RALGAPA1: variants seen among roughly 807,000 people sequenced by gnomAD.
The protein encoded by RALGAPA1 is Ral GTPase activating protein catalytic subunit alpha 1.
RALGAPA1 carries 52 observed loss-of-function variants against 269.6 expected under a neutral mutation model. The ratio of observed to expected loss-of-function variants is 0.19; its 90% CI spans 0.15 to 0.24. The LOEUF (loss-of-function observed/expected upper bound fraction) is 0.24. RALGAPA1 is among the 10% of genes least tolerant of loss of function. RALGAPA1 has a pLI of 1.00. For missense variants in RALGAPA1, 1,917 were observed against 3,013.9 expected (o/e 0.64, Z 8.52); for synonymous variants, 817 against 1,008.3 (o/e 0.81, Z 3.60).
chr14:35,634,340 G>A (rs924678984), intron 33 of RALGAPA1, among the ~76,000 whole-genome samples: 1 of 152,188 alleles, frequency 6.6e-6, no homozygotes, highest in African/African-American at 2.4e-5. Flanking sequence ...CTGGTCCCAT[G>A]CATTTCAGAT....
rs773083958 is a variant in RALGAPA1 at position 35,673,024 on chromosome 14, T to TA, written c.4918-3dup. The TA allele has an allele frequency of 2.7e-6, 4 of 1,460,498 alleles. No homozygotes were observed. The highest frequency in any genetic ancestry group is 3.6e-6 in the Non-Finnish European group (4 of 1,100,822). 90.5% of individuals were successfully genotyped at this position (1,460,498 alleles called of 1,614,324 possible). ...ATATTTATCAGTCAACATGGTTGCC[T>TA]AAAATTAAAAGATCAGTTTTAATGT... On this transcript the variant is annotated splice_polypyrimidine_tract_variant and splice_region_variant and intron_variant, in intron 24 of 41. Coordinates refer to ENST00000680220, the MANE Select transcript of RALGAPA1 (RefSeq NM_001346249.2).
At chr14:35,711,506 G>T (rs1244570802) in intron 16 of RALGAPA1, among the ~76,000 whole-genome samples, 5 of 152,174 alleles carry the variant, frequency 3.3e-5, no homozygotes, top group Admixed American at 1.3e-4. Flanking sequence ...GGAGTGCGGT[G>T]GCATAATCTC....
At chr14:35,801,080 C>T (rs1254295185) in intron 1 of RALGAPA1, among the ~76,000 whole-genome samples, 1 of 142,092 alleles carries the variant, frequency 7.0e-6, no homozygotes, top group Non-Finnish European at 1.5e-5. Context: ...AAAAAAAAAC[C>T]ACACACACAC....
intron 1 of RALGAPA1, 54 bp downstream of exon 1, chr14:35,808,676 G>T (rs2077548406): frequency 5.8e-6 from 9 of 1,558,904 alleles, no homozygotes; most frequent in Non-Finnish European, 7.8e-6. Context: ...GGGCTCCCAG[G>T]AGAGGGAAGG....
At chr14:35,778,645 T>G (rs1407499461) in intron 1 of RALGAPA1, among the ~76,000 whole-genome samples, 1 of 152,212 alleles carries the variant, frequency 6.6e-6, no homozygotes, top group Non-Finnish European at 1.5e-5. Context: ...TATTTTTACT[T>G]CATTATATTC....
chr14:35,745,435 A>ACACACC (rs1422780733), intron 10 of RALGAPA1, among the ~76,000 whole-genome samples: 1 of 151,814 alleles, frequency 6.6e-6, no homozygotes, highest in Non-Finnish European at 1.5e-5. Context: ...ACACACACAC[A>ACACACC]CACACACACA....
chr14:35,554,576 G>A (rs1489026335), intron 39 of RALGAPA1, among the ~76,000 whole-genome samples: 2 of 151,558 alleles, frequency 1.3e-5, no homozygotes, highest in Non-Finnish European at 2.9e-5. Context: ...TCGATCTCCT[G>A]ACCTCGTGAT....
chr14:35,632,481 C>T (rs1041431921), intron 33 of RALGAPA1, among the ~76,000 whole-genome samples: 1 of 152,130 alleles, frequency 6.6e-6, no homozygotes, highest in African/African-American at 2.4e-5. Context: ...ACATAAAAAG[C>T]TGCTGCAATT....
In RALGAPA1 at chr14:35,664,804, T is replaced by C. The variant is rs1595044432; in HGVS notation, c.5203-37A>G. ...ATTTTTAAAAAGTTTAAAAATATATTGGTGTTATGAAATTATCAGAAAAGT... is the reference window on the plus strand; with the variant it reads ...ATTTTTAAAAAGTTTAAAAATATATCGGTGTTATGAAATTATCAGAAAAGT... On this transcript the variant is annotated intron_variant, in intron 26 of 41. Coordinates refer to ENST00000680220, the MANE Select transcript of RALGAPA1 (RefSeq NM_001346249.2). 1.9e-6 allele frequency: 3 copies of C among 1,590,058 alleles called. No homozygotes were observed. In the East Asian group the frequency reaches 6.7e-5, roughly 36 times the overall value.
chr14:35,756,660 C>T (rs904642333), intron 7 of RALGAPA1, 133 bp downstream of exon 7: 1 of 545,480 alleles, frequency 1.8e-6, no homozygotes, highest in African/African-American at 1.9e-5. Flanking sequence ...GCCATTGACC[C>T]TTCCCCTCCA....
At chr14:35,733,935 AT>A (rs1193487225) in intron 12 of RALGAPA1, among the ~76,000 whole-genome samples, 1 of 151,766 alleles carries the variant, frequency 6.6e-6, no homozygotes, top group Non-Finnish European at 1.5e-5. Context: ...CCCTTTTATT[AT>A]AGCTGCAAAT....
intron 1 of RALGAPA1, among the ~76,000 whole-genome samples, chr14:35,801,598 G>C (rs905212575): frequency 6.6e-6 from 1 of 152,088 alleles, no homozygotes. Flanking sequence ...AGGATAATAA[G>C]AGAGTATAAT....
chr14:35,720,042 G>A (rs995957474), intron 16 of RALGAPA1, among the ~76,000 whole-genome samples: 5 of 152,168 alleles, frequency 3.3e-5, no homozygotes, highest in East Asian at 1.9e-4. Context: ...GTAAGCCACC[G>A]CGCCCGGCCA....
chr14:35,764,113 T>TG (rs202187137), intron 4 of RALGAPA1, among the ~76,000 whole-genome samples: 223 of 150,146 alleles, frequency 1.5e-3, no homozygotes, highest in African/African-American at 5.1e-3. Flanking sequence ...TTTAAAGAGA[T>TG]GGGGTCTTGT....
intron 39 of RALGAPA1, among the ~76,000 whole-genome samples, chr14:35,562,748 G>C (rs1038822995): frequency 6.6e-6 from 1 of 151,952 alleles, no homozygotes; most frequent in Admixed American, 6.6e-5. Flanking sequence ...ATGGCCGGGC[G>C]TGGTGGCTCA....
chr14:35,627,473 G>A lies in RALGAPA1; in HGVS notation c.6474C>T (p.Thr2158=), dbSNP rs758479542. 2.2e-4 allele frequency: 354 copies of A among 1,613,030 alleles called. No individual in the cohort carries two copies. Among genetic ancestry groups the A allele is most frequent in the Non-Finnish European group, 2.7e-4 (318 of 1,179,810 alleles). The part of the protein sequence containing the change: ...PTSNECLEDI[T]VKDGLSLQFK... ...ACTGGAGAGAAAGTCCATCTTTTAC[G>A]GTTATATCTTCTAAGCATTCATTAG... Residue 2158 remains threonine, a synonymous_variant, in exon 34 of 42, where the codon ACC becomes ACT. Transcript: ENST00000680220.
intron 16 of RALGAPA1, chr14:35,716,079 G>T (rs1324352060): frequency 2.0e-6 from 2 of 984,790 alleles, no homozygotes; most frequent in African/African-American, 3.5e-5. Flanking sequence ...TTTTTATTAA[G>T]AAAATTTTCA....
intron 31 of RALGAPA1, among the ~76,000 whole-genome samples, chr14:35,639,541 T>C (rs2061873339): frequency 6.6e-6 from 1 of 152,198 alleles, no homozygotes; most frequent in East Asian, 1.9e-4. Flanking sequence ...TCTTAACATA[T>C]TTTTAAAAAT....
chr14:35,762,607 T>C, intron 5 of RALGAPA1, 103 bp downstream of exon 5: 1 of 770,858 alleles, frequency 1.3e-6, no homozygotes, highest in South Asian at 1.4e-5. Context: ...TGAAGACAAT[T>C]CAGAGATCTT....
Sources: gnomAD v4.1 joint callset for allele counts (sites outside exome capture counted in the v4.1 genomes callset) on GRCh38, gnomAD v4.1.1 for gene constraint, MANE v1.5 for transcripts, NCBI Gene and HGNC (gene_info 2026-07-23, HGNC 2026-07-21) for gene names.